Variants in MKLN1 observed in about 807,000 individuals in gnomAD.
MKLN1 encodes the protein muskelin.
Under a neutral mutation model 99.0 loss-of-function variants are expected in MKLN1, and 18 were observed. The observed-to-expected ratio is 0.18, with a 90% CI of 0.13 to 0.27. The LOEUF (loss-of-function observed/expected upper bound fraction) is 0.27. Among genes scored for constraint, MKLN1 ranks in the 10% least tolerant of loss-of-function variants. The pLI is 1.00. For synonymous variants in MKLN1, 288 were observed against 293.2 expected, an observed-to-expected ratio of 0.98 and a Z score of 0.18; for missense variants, 621 against 875.9, an observed-to-expected ratio of 0.71 and a Z score of 3.67.
chr7:131,324,516 G>T (rs1798845986), upstream of MKLN1: 2 of 152,178 alleles, frequency 1.3e-5, no homozygotes, highest in Admixed American at 1.3e-4. Flanking sequence ...ATAGATTCAG[G>T]TTGCCTTGAA....
chr7:131,454,827 T>C (rs1010974733), intron 12 of MKLN1, among the ~76,000 whole-genome samples: 2 of 152,164 alleles, frequency 1.3e-5, no homozygotes, highest in African/African-American at 4.8e-5. Flanking sequence ...CTGCTTTGGG[T>C]GCTCTATATA....
chr7:131,356,186 G>A (rs1173938260), intron 1 of MKLN1, among the ~76,000 whole-genome samples: 5 of 151,560 alleles, frequency 3.3e-5, no homozygotes, highest in East Asian at 1.9e-4. Context: ...GATTTTATAC[G>A]CTGGCATACT....
At chr7:131,111,234 C>T (rs560668762) in intron 1 of MKLN1, among the ~76,000 whole-genome samples, 2 of 152,312 alleles carry the variant, frequency 1.3e-5, no homozygotes, top group Admixed American at 1.3e-4. Context: ...GGAACCCAAG[C>T]TCCTGCTGCT....
Position 131,165,779 on chromosome 7 carries a change from C to T in MKLN1, c.-297+22838C>T, listed in dbSNP as rs574432569. Among the ~76,000 whole-genome samples the T allele has an allele frequency of 1.1e-3, 161 of 152,076 alleles. 1 individual carries two copies. The Middle Eastern group carries it at 0.048, about 45-fold the overall frequency. ...ATTGTTCTAGCGGCACCGGGTGGTA[C>T]GAGGGTGAGCAGAAAGGTAGAAGGC... On this transcript the variant is annotated intron_variant, in intron 2 of 7. Transcript: ENST00000416992.
At chr7:131,342,491 G>A (rs1360897539) in intron 1 of MKLN1, among the ~76,000 whole-genome samples, 5 of 152,058 alleles carry the variant, frequency 3.3e-5, no homozygotes, top group Non-Finnish European at 4.4e-5. Context: ...AATTTATATC[G>A]TTTGTTTATA....
chr7:131,493,363 G>C lies in MKLN1; in HGVS notation c.*5635G>C, dbSNP rs1797474005. The stretch of plus-strand genomic sequence containing the variant: ...AGGGTATGTTAGAGAAGGAAAAATA[G>C]GAGCTTTTTGCTTATGGATTTTAGA... On this transcript the variant is annotated 3_prime_UTR_variant, in exon 18 of 18. Transcript: ENST00000352689. The C allele has an allele frequency of 6.6e-6, 1 of 151,940 alleles. No individual in the cohort carries two copies. The highest frequency in any genetic ancestry group is 6.6e-5 in the Admixed American group (1 of 15,258). 9.4% of individuals were successfully genotyped at this position (151,940 alleles called of 1,614,324 possible). A position where few individuals can be genotyped will look rare whatever the true frequency, so the allele number is the denominator to read the frequency against.
chr7:131,431,231 C>CAA (rs200619931), intron 9 of MKLN1, among the ~76,000 whole-genome samples: 20 of 149,204 alleles, frequency 1.3e-4, no homozygotes, highest in South Asian at 2.1e-4. Flanking sequence ...CAAAAAAAAA[C>CAA]AAAAAAAAAC....
At chr7:131,317,802 C>T (rs1320820061) in intron 3 of MKLN1, among the ~76,000 whole-genome samples, 2 of 147,852 alleles carry the variant, frequency 1.4e-5, no homozygotes, top group Non-Finnish European at 3.0e-5. Flanking sequence ...GGTTGCAATC[C>T]TAGTCTCTGA....
intron 2 of MKLN1, among the ~76,000 whole-genome samples, chr7:131,195,507 T>TA (rs199916287): frequency 0.05 from 7,491 of 149,078 alleles, 235 homozygotes; most frequent in Middle Eastern, 0.077. Context: ...TGAGACTGTC[T>TA]AAAAAAAAAA....
intron 3 of MKLN1, among the ~76,000 whole-genome samples, chr7:131,275,578 T>A (rs1304477871): frequency 6.7e-4 from 68 of 102,032 alleles, no homozygotes; most frequent in African/African-American, 1.9e-3. Flanking sequence ...TTTTTTTTTT[T>A]TTTTTTTTTT....
chr7:131,272,360 C>T (rs1416206243), intron 3 of MKLN1, among the ~76,000 whole-genome samples: 1 of 152,204 alleles, frequency 6.6e-6, no homozygotes, highest in Non-Finnish European at 1.5e-5. Context: ...ACATACAGTA[C>T]ATGCTCAATA....
At chr7:131,147,766 C>T (rs1285688982) in intron 2 of MKLN1, among the ~76,000 whole-genome samples, 1 of 152,148 alleles carries the variant, frequency 6.6e-6, no homozygotes, top group Non-Finnish European at 1.5e-5. Flanking sequence ...TGTCTGGTTC[C>T]CCAAAGAGCT....
At chr7:131,180,420 C>CG (rs916299918) in intron 2 of MKLN1, among the ~76,000 whole-genome samples, 29 of 152,064 alleles carry the variant, frequency 1.9e-4, no homozygotes, top group Admixed American at 3.9e-4. Context: ...TGTTTAAGGC[C>CG]GGGCGCAGTG....
At chr7:131,118,814 C>T (rs34362328) in intron 1 of MKLN1, among the ~76,000 whole-genome samples, 446 of 152,262 alleles carry the variant, frequency 2.9e-3, no homozygotes, top group Non-Finnish European at 4.4e-3. Flanking sequence ...CTGACTATCA[C>T]GAGAAGAACA....
At chr7:131,264,761 T>TA (rs760636426) in intron 3 of MKLN1, among the ~76,000 whole-genome samples, 1 of 152,214 alleles carries the variant, frequency 6.6e-6, no homozygotes, top group Non-Finnish European at 1.5e-5. Context: ...GGACAGACTC[T>TA]AACCTTAGGA....
intron 1 of MKLN1, among the ~76,000 whole-genome samples, chr7:131,110,718 C>A (rs1314010975): frequency 1.3e-5 from 2 of 152,222 alleles, no homozygotes; most frequent in African/African-American, 4.8e-5. Flanking sequence ...TCATTCCCCT[C>A]ACCATCCTCC....
chr7:131,362,591 T>G (rs570898520), intron 1 of MKLN1, among the ~76,000 whole-genome samples: 1 of 152,202 alleles, frequency 6.6e-6, no homozygotes, highest in African/African-American at 2.4e-5. Context: ...GATGTATCTG[T>G]CTAGTTCCAA....
At chr7:131,302,544 T>C (rs898430793) in intron 3 of MKLN1, among the ~76,000 whole-genome samples, 5 of 152,224 alleles carry the variant, frequency 3.3e-5, no homozygotes, top group African/African-American at 1.2e-4. Context: ...TTCTGAAATA[T>C]CATTTTGTCA....
chr7:131,466,804 T>C (rs1796672342), intron 15 of MKLN1, among the ~76,000 whole-genome samples: 1 of 152,220 alleles, frequency 6.6e-6, no homozygotes, highest in African/African-American at 2.4e-5. Flanking sequence ...ATCTTCCTAA[T>C]TTGATGTGTC....
Sources: gnomAD v4.1 joint callset for allele counts (sites outside exome capture counted in the v4.1 genomes callset) on GRCh38, gnomAD v4.1.1 for gene constraint, MANE v1.5 for transcripts, NCBI Gene and HGNC (gene_info 2026-07-23, HGNC 2026-07-21) for gene names.